LBR: variants seen among roughly 807,000 people sequenced by gnomAD.
LBR encodes delta(14)-sterol reductase LBR.
In LBR, 28 loss-of-function variants were observed where a neutral mutation model predicts 74.3. That is an observed-to-expected ratio of 0.38 (90% CI 0.28 to 0.52). The LOEUF is 0.52. Ranked by LOEUF, LBR falls within the 20% of genes least tolerant of loss-of-function variation. The pLI is 0.89. For synonymous variants in LBR, 228 were observed against 269.3 expected (o/e 0.85, Z 1.50); for missense variants, 717 against 760.3 (o/e 0.94, Z 0.67).
At chr1:225,412,298 A>C (rs2096107514) in intron 8 of LBR, among the ~76,000 whole-genome samples, 156 bp downstream of exon 8, 1 of 152,232 alleles carries the variant, frequency 6.6e-6, no homozygotes, top group Non-Finnish European at 1.5e-5. Flanking sequence ...TTAAATTCAT[A>C]TCTCTTTAAC....
chr1:225,417,750 T>C (rs111654494), intron 6 of LBR: 22 of 500,658 alleles, frequency 4.4e-5, no homozygotes, highest in African/African-American at 2.1e-4. Flanking sequence ...GCAAGTGTTA[T>C]ACAGACAGCA....
intron 11 of LBR, 126 bp downstream of exon 11, chr1:225,406,538 A>C (rs1169966271): frequency 1.2e-6 from 1 of 804,330 alleles, no homozygotes; most frequent in Non-Finnish European, 2.0e-6. Context: ...CTCATGATAA[A>C]TGGCTTCAAA....
chr1:225,428,234 G>C (rs951347053), upstream of LBR, among the ~76,000 whole-genome samples: 2 of 151,950 alleles, frequency 1.3e-5, no homozygotes, highest in African/African-American at 4.8e-5. Context: ...CGTCCGCCCC[G>C]CCCCACCCTG....
At chr1:225,426,303 G>A (rs1473685390) in intron 1 of LBR, among the ~76,000 whole-genome samples, 3 of 152,210 alleles carry the variant, frequency 2.0e-5, no homozygotes, top group Non-Finnish European at 4.4e-5. Flanking sequence ...TAGCCAGGAT[G>A]GCACACAAAA....
At position 225,415,588 on chromosome 1, in the gene LBR, G is replaced by A. The variant is rs374530034; in HGVS notation, c.838-256C>T. On this transcript the variant is annotated intron_variant, in intron 6 of 13. Coordinates refer to ENST00000272163, the MANE Select transcript of LBR (RefSeq NM_002296.4). ...CTTCCTAGTGTAGGACCAAGCAACT[G>A]CAACAGCCACGCTCCCTGCCACACT... 1.2e-4 allele frequency among the ~76,000 whole-genome samples: 19 copies of A among 152,198 alleles called. 1 individual carries two copies. The East Asian group carries it at 2.1e-3, about 17-fold the overall frequency.
At chr1:225,428,666 G>A (rs956192972), upstream of LBR, 1 of 152,328 alleles carries the variant, frequency 6.6e-6, no homozygotes, top group Admixed American at 6.5e-5. Context: ...CCGGCGGCGG[G>A]AGGGAGGGGG....
intron 1 of LBR, among the ~76,000 whole-genome samples, chr1:225,426,673 G>A (rs1300643803): frequency 6.6e-6 from 1 of 152,156 alleles, no homozygotes; most frequent in Admixed American, 6.5e-5. Flanking sequence ...AGAGCAAGAC[G>A]CTCGAATGAC....
At chr1:225,419,578 A>G in intron 4 of LBR, 126 bp from the exon 5 acceptor site, 1 of 997,164 alleles carries the variant, frequency 1.0e-6, no homozygotes, top group Non-Finnish European at 1.5e-6. Flanking sequence ...AATTATATTC[A>G]GTCTTAATTT....
upstream of LBR, among the ~76,000 whole-genome samples, chr1:225,428,205 T>C (rs935346293): frequency 1.2e-4 from 18 of 151,992 alleles, no homozygotes; most frequent in Non-Finnish European, 2.2e-4. Flanking sequence ...GCGCTGTCGA[T>C]TGGTCGCGCG....
chr1:225,410,341 A>C lies in LBR; in HGVS notation c.1264T>G (p.Leu422Val). 6.2e-7 allele frequency: 1 copy of C among 1,614,204 alleles called. No individual in the cohort carries two copies. Among genetic ancestry groups the C allele is most frequent in the South Asian group, 1.1e-5 (1 of 91,084 alleles). The change falls in exon 10 of 14, where the codon TTA becomes GTA. Residue 422 changes from leucine (L) to valine (V), a missense_variant. Transcript: ENST00000272163. ...TAGAGAAGCTGGAAACTATTAACTA[A>C]AATCATGGCCAAGGATGGAACAGCG... Reference protein sequence around the residue: ...DRAVPSLAMILVNSFQLLYVV... With the variant: ...DRAVPSLAMIVVNSFQLLYVV...
chr1:225,425,992 G>A (rs1305413911), intron 1 of LBR, among the ~76,000 whole-genome samples: 1 of 152,106 alleles, frequency 6.6e-6, no homozygotes, highest in Non-Finnish European at 1.5e-5. Flanking sequence ...TAATATAAAC[G>A]CAGGCCAGTG....
intron 6 of LBR, among the ~76,000 whole-genome samples, chr1:225,416,379 C>A (rs1384420878): frequency 1.3e-5 from 2 of 152,116 alleles, no homozygotes; most frequent in Non-Finnish European, 2.9e-5. Flanking sequence ...CACGTTTTAC[C>A]CCACAAAATA....
chr1:225,418,584 T>C (rs1184688963), intron 5 of LBR, among the ~76,000 whole-genome samples: 1 of 152,210 alleles, frequency 6.6e-6, no homozygotes, highest in Non-Finnish European at 1.5e-5. Context: ...TTTCTAACAA[T>C]TAAAATAGTG....
chr1:225,424,559 A>G (rs1195047618), intron 1 of LBR, among the ~76,000 whole-genome samples: 2 of 152,226 alleles, frequency 1.3e-5, no homozygotes, highest in Admixed American at 6.5e-5. Flanking sequence ...TAACCCAACA[A>G]TAGGAAGAAA....
intron 13 of LBR, among the ~76,000 whole-genome samples, chr1:225,404,027 C>T (rs2096086484): frequency 6.6e-6 from 1 of 151,956 alleles, no homozygotes; most frequent in African/African-American, 2.4e-5. Context: ...CCCAGCTCCC[C>T]ACGAGGCCAG....
intron 4 of LBR, 68 bp downstream of exon 4, chr1:225,419,647 G>T (rs2150956155): frequency 8.5e-7 from 1 of 1,175,716 alleles, no homozygotes; most frequent in Non-Finnish European, 1.3e-6. Flanking sequence ...GCTTCTCAAG[G>T]GAGAGTCACT....
At chr1:225,404,813 C>T (rs1269592430) in intron 11 of LBR, 107 bp from the exon 12 acceptor site, 2 of 849,864 alleles carry the variant, frequency 2.4e-6, no homozygotes, top group African/African-American at 1.7e-5. Context: ...GAGGAAATTT[C>T]CAAAGCAGAC....
rs1575222417 is a variant in LBR at position 225,411,374 on chromosome 1, T to C, written c.1151A>G (p.Lys384Arg). 1 of 1,614,092 alleles carries C rather than the reference T, an allele frequency of 6.2e-7. No homozygotes were observed. The highest frequency in any genetic ancestry group is 8.5e-7 in the Non-Finnish European group (1 of 1,179,930). Residue 384 changes from lysine (K) to arginine (R), a missense_variant, in exon 9 of 14, where the codon AAA becomes AGA. By Grantham distance (26) the Lys-to-Arg change is conservative. Coordinates refer to ENST00000272163, the MANE Select transcript of LBR (RefSeq NM_002296.4). ...LNPRIGTFDL[K>R]YFCELRPGLI... ...TCCGGGGCGCAATTCACAAAAGTATTTGAGATCAAAAGTACCAATTCGAGG... is the reference window on the plus strand; with the variant it reads ...TCCGGGGCGCAATTCACAAAAGTATCTGAGATCAAAAGTACCAATTCGAGG...
intron 6 of LBR, among the ~76,000 whole-genome samples, chr1:225,416,161 C>A (rs1164273378): frequency 6.6e-6 from 1 of 150,852 alleles, no homozygotes; most frequent in Non-Finnish European, 1.5e-5. Context: ...TGCACCACTG[C>A]ACTCCAGCCT....
Sources: gnomAD v4.1 joint callset for allele counts (sites outside exome capture counted in the v4.1 genomes callset) on GRCh38, gnomAD v4.1.1 for gene constraint, MANE v1.5 for transcripts, NCBI Gene and HGNC (gene_info 2026-07-23, HGNC 2026-07-21) for gene names.